Variants in CNTNAP2 observed in about 807,000 individuals in gnomAD.
CNTNAP2 encodes contactin-associated protein-like 2.
A neutral mutation model predicts 155.2 loss-of-function variants in CNTNAP2; 98 were observed. The ratio of observed to expected loss-of-function variants is 0.63; its 90% CI spans 0.54 to 0.75. The LOEUF (loss-of-function observed/expected upper bound fraction) is 0.75, where lower values mean the gene tolerates loss of function less well. Ranked by LOEUF, CNTNAP2 falls within the 30% of genes least tolerant of loss-of-function variation. The pLI is 0.00. For missense variants in CNTNAP2, 1,727 were observed against 1,688.1 expected (o/e 1.02, Z -0.40); for synonymous variants, 651 against 631.2 (o/e 1.03, Z -0.47).
intron 13 of CNTNAP2, among the ~76,000 whole-genome samples, chr7:147,868,970 G>A (rs1015340336): frequency 2.0e-5 from 3 of 152,172 alleles, no homozygotes; most frequent in African/African-American, 7.2e-5. Context: ...ACCCTCCATG[G>A]GCTGCACCCA....
rs139398777 is a variant in CNTNAP2, at chr7:148,162,810, A to T, written c.2774-9432A>T. Among the ~76,000 whole-genome samples, 51 of 152,214 alleles carry T rather than the reference A, an allele frequency of 3.4e-4. 1 individual carries two copies. The East Asian group carries it at 8.3e-3, about 25-fold the overall frequency. On this transcript the variant is annotated intron_variant, in intron 17 of 23. Coordinates refer to ENST00000361727, the MANE Select transcript of CNTNAP2 (RefSeq NM_014141.6). ...CAGTAGTTCAAGATCAGCCTGAGCAACATAGCAAGACCTTGTCTCTACAAA... is the reference window on the plus strand; with the variant it reads ...CAGTAGTTCAAGATCAGCCTGAGCATCATAGCAAGACCTTGTCTCTACAAA...
At chr7:146,734,060 A>G (rs1374714646) in intron 1 of CNTNAP2, among the ~76,000 whole-genome samples, 1 of 152,120 alleles carries the variant, frequency 6.6e-6, no homozygotes, top group Non-Finnish European at 1.5e-5. Flanking sequence ...GCTTAAAATA[A>G]TAATAATAAA....
intron 4 of CNTNAP2, among the ~76,000 whole-genome samples, chr7:147,093,240 C>CAAAAAAA (rs530286124): frequency 3.7e-4 from 20 of 54,140 alleles, no homozygotes; most frequent in African/African-American, 4.6e-4. Context: ...GACTCCATCT[C>CAAAAAAA]AAAAAAAAAA....
chr7:146,265,957 T>C (rs569912934), intron 1 of CNTNAP2, among the ~76,000 whole-genome samples: 6 of 152,162 alleles, frequency 3.9e-5, no homozygotes, highest in South Asian at 2.1e-4. Flanking sequence ...GAGAAGACCA[T>C]GGAAGCCTAA....
chr7:146,946,111 C>CTTCCTTCCTTCT, intron 3 of CNTNAP2, among the ~76,000 whole-genome samples: 3 of 149,502 alleles, frequency 2.0e-5, no homozygotes, highest in Middle Eastern at 7.0e-3. Context: ...TCTTTCCTTC[C>CTTCCTTCCTTCT]TTCCTTCCTT....
In CNTNAP2 at chr7:146,170,023, T is replaced by C. The variant is rs545603779; in HGVS notation, c.97+53050T>C. The stretch of plus-strand genomic sequence containing the variant: ...ATCTAGACTTCCTTTCTTTTCTTTT[T>C]TTTTTTTTTTTTGGAGTGGGGTGGT... On this transcript the variant is annotated intron_variant, in intron 1 of 23. Coordinates refer to ENST00000361727, the MANE Select transcript of CNTNAP2 (RefSeq NM_014141.6). Among the ~76,000 whole-genome samples the C allele has an allele frequency of 1.2e-4, 18 of 148,930 alleles. No individual in the cohort carries two copies. In the East Asian group the frequency reaches 1.4e-3, roughly 11 times the overall value.
At chr7:146,876,355 T>G (rs975074583) in intron 3 of CNTNAP2, among the ~76,000 whole-genome samples, 4 of 152,122 alleles carry the variant, frequency 2.6e-5, no homozygotes, top group African/African-American at 9.7e-5. Context: ...CATATACCAT[T>G]TTGTGTTATT....
chr7:147,698,083 A>G (rs1796187984), intron 13 of CNTNAP2, among the ~76,000 whole-genome samples: 1 of 152,118 alleles, frequency 6.6e-6, no homozygotes, highest in Non-Finnish European at 1.5e-5. Flanking sequence ...TTGGTTATTA[A>G]GTTGTAATTT....
At chr7:146,124,078 T>C (rs1584760313) in intron 1 of CNTNAP2, among the ~76,000 whole-genome samples, 1 of 152,128 alleles carries the variant, frequency 6.6e-6, no homozygotes, top group African/African-American at 2.4e-5. Context: ...GAGGGGAACA[T>C]CACACACCCG....
intron 3 of CNTNAP2, among the ~76,000 whole-genome samples, chr7:146,961,801 C>A (rs1289556910): frequency 1.3e-5 from 2 of 152,086 alleles, no homozygotes; most frequent in East Asian, 3.9e-4. Flanking sequence ...GAAGTTGCAG[C>A]ATGATCTCAC....
At chr7:146,250,620 C>A (rs190802587) in intron 1 of CNTNAP2, among the ~76,000 whole-genome samples, 1 of 152,250 alleles carries the variant, frequency 6.6e-6, no homozygotes, top group Non-Finnish European at 1.5e-5. Context: ...GATGGCATCA[C>A]TATGCTCACT....
chr7:146,971,135 C>T (rs559655097), intron 3 of CNTNAP2, among the ~76,000 whole-genome samples: 1 of 151,944 alleles, frequency 6.6e-6, no homozygotes, highest in African/African-American at 2.4e-5. Context: ...TGCAGCACAC[C>T]AGCATGGCAC....
intron 3 of CNTNAP2, among the ~76,000 whole-genome samples, chr7:146,886,167 G>A (rs954636658): frequency 8.6e-5 from 13 of 151,328 alleles, no homozygotes; most frequent in African/African-American, 3.2e-4. Flanking sequence ...TAGAGCTGGA[G>A]GAATGTTTTT....
intron 3 of CNTNAP2, among the ~76,000 whole-genome samples, chr7:146,872,931 C>T (rs1795343728): frequency 6.6e-6 from 1 of 152,176 alleles, no homozygotes. Flanking sequence ...GGAGCATTCT[C>T]TATTCATAAC....
At chr7:146,742,953 T>G (rs966935336) in intron 1 of CNTNAP2, among the ~76,000 whole-genome samples, 2 of 152,124 alleles carry the variant, frequency 1.3e-5, no homozygotes, top group African/African-American at 4.8e-5. Flanking sequence ...ATAGCCTTCA[T>G]TTTTTTAAAA....
chr7:147,576,291 G>T (rs890212409), intron 12 of CNTNAP2, among the ~76,000 whole-genome samples: 1 of 152,028 alleles, frequency 6.6e-6, no homozygotes, highest in East Asian at 1.9e-4. Flanking sequence ...ACCAATCTCA[G>T]TGCTAAATAA....
intron 8 of CNTNAP2, among the ~76,000 whole-genome samples, chr7:147,188,608 C>T (rs531695401): frequency 7.9e-5 from 12 of 152,230 alleles, no homozygotes; most frequent in Non-Finnish European, 1.2e-4. Flanking sequence ...GGTTTGTTTT[C>T]TTTGGTTGTC....
At chr7:148,347,926 G>A (rs186304076) in intron 21 of CNTNAP2, among the ~76,000 whole-genome samples, 33 of 152,256 alleles carry the variant, frequency 2.2e-4, no homozygotes, top group Non-Finnish European at 3.8e-4. Flanking sequence ...TGTAGTTCTC[G>A]TCAATTCAAA....
rs138599509 is a variant in CNTNAP2, at chr7:147,232,348, A to C, written c.1349-67793A>C. Among the ~76,000 whole-genome samples, 47 of 152,348 alleles carry C rather than the reference A, an allele frequency of 3.1e-4. No individual in the cohort carries two copies. In the East Asian group the frequency reaches 4.8e-3, roughly 16 times the overall value. On this transcript the variant is annotated intron_variant, in intron 8 of 23. Transcript: ENST00000361727. ...GAAATGCCACAGAAAAGACAATCCT[A>C]AAGTTTTAATGAAACCACAAGACTG... is the stretch of plus-strand genomic sequence containing the variant.
Sources: gnomAD v4.1 joint callset for allele counts (sites outside exome capture counted in the v4.1 genomes callset) on GRCh38, gnomAD v4.1.1 for gene constraint, MANE v1.5 for transcripts, NCBI Gene and HGNC (gene_info 2026-07-23, HGNC 2026-07-21) for gene names.